Variants in LRP1B observed in about 807,000 individuals in gnomAD.
LRP1B encodes the protein LDL receptor related protein 1B, also known as low-density lipoprotein receptor-related protein 1B.
LRP1B carries 217 observed loss-of-function variants against 556.6 expected under a neutral mutation model. The ratio of observed to expected loss-of-function variants is 0.39; its 90% CI spans 0.35 to 0.44. The LOEUF (loss-of-function observed/expected upper bound fraction) is 0.44. LRP1B is among the 20% of genes least tolerant of loss of function. LRP1B has a pLI of 1.00. For missense variants in LRP1B, 5,053 were observed against 5,620.8 expected, an observed-to-expected ratio of 0.90 and a Z score of 3.23; for synonymous variants, 2,047 against 1,865.8, an observed-to-expected ratio of 1.10 and a Z score of -2.50.
chr2:141,229,578 T>C, intron 5 of LRP1B, 138 bp from the exon 6 acceptor site: 1 of 654,940 alleles, frequency 1.5e-6, no homozygotes, highest in Non-Finnish European at 2.5e-6. Context: ...AAACTTTCTA[T>C]AAGTCATATG....
At chr2:141,115,016 C>T (rs367810059) in intron 7 of LRP1B, among the ~76,000 whole-genome samples, 1 of 152,136 alleles carries the variant, frequency 6.6e-6, no homozygotes, top group South Asian at 2.1e-4. Flanking sequence ...ACAAAACAAA[C>T]ATGACGGAAA....
At chr2:141,982,013 G>C (rs752313893) in intron 1 of LRP1B, among the ~76,000 whole-genome samples, 15 of 152,102 alleles carry the variant, frequency 9.9e-5, no homozygotes, top group Admixed American at 1.3e-4. Flanking sequence ...CCAATCACCA[G>C]AAATACCCAT....
At chr2:141,521,322 G>A (rs1483807592) in intron 2 of LRP1B, among the ~76,000 whole-genome samples, 11 of 152,028 alleles carry the variant, frequency 7.2e-5, no homozygotes, top group African/African-American at 2.2e-4. Flanking sequence ...ACATTTTCAA[G>A]TATATACAAT....
intron 43 of LRP1B, among the ~76,000 whole-genome samples, chr2:140,558,709 C>T (rs1019757457): frequency 2.6e-5 from 4 of 151,768 alleles, no homozygotes; most frequent in Admixed American, 2.0e-4. Context: ...GAGGCCAAGG[C>T]GAGGGGATCA....
chr2:140,548,436 T>C (rs1179842491), intron 43 of LRP1B, among the ~76,000 whole-genome samples: 3 of 152,128 alleles, frequency 2.0e-5, no homozygotes, highest in African/African-American at 7.2e-5. Context: ...GTGTTCACAT[T>C]GTTAACCATC....
intron 1 of LRP1B, among the ~76,000 whole-genome samples, chr2:141,865,608 G>GA (rs369023076): frequency 0.36 from 45,574 of 126,804 alleles, 8,236 homozygotes; most frequent in South Asian, 0.47. Context: ...AAAAAAAAAA[G>GA]AAAAAAAAAA....
intron 43 of LRP1B, among the ~76,000 whole-genome samples, chr2:140,577,511 G>C (rs1365261374): frequency 2.0e-5 from 3 of 151,828 alleles, no homozygotes; most frequent in Non-Finnish European, 4.4e-5. Flanking sequence ...CAAACTCCTG[G>C]GCTCAAGCGA....
chr2:141,578,758 A>T (rs2105275777), intron 2 of LRP1B, among the ~76,000 whole-genome samples: 1 of 152,326 alleles, frequency 6.6e-6, no homozygotes, highest in South Asian at 2.1e-4. Context: ...AGAAGTAATA[A>T]GTAAGGAACA....
intron 37 of LRP1B, among the ~76,000 whole-genome samples, chr2:140,710,312 A>G (rs1404703982): frequency 1.3e-5 from 2 of 152,034 alleles, no homozygotes; most frequent in South Asian, 2.1e-4. Flanking sequence ...TGGAAAATCT[A>G]AAGTTTCAAC....
At chr2:140,574,286 T>C in intron 43 of LRP1B, among the ~76,000 whole-genome samples, 1 of 152,286 alleles carries the variant, frequency 6.6e-6, no homozygotes, top group Middle Eastern at 3.4e-3. Context: ...AGATAAATGC[T>C]TGAAGAAACA....
intron 7 of LRP1B, among the ~76,000 whole-genome samples, chr2:141,126,988 C>T (rs543170062): frequency 6.6e-6 from 1 of 152,212 alleles, no homozygotes; most frequent in South Asian, 2.1e-4. Flanking sequence ...TTAGGTATTT[C>T]TCCTAATGCT....
At chr2:141,675,679 G>GTGTATATATATA (rs1553446605) in intron 2 of LRP1B, among the ~76,000 whole-genome samples, 9 of 12,530 alleles carry the variant, frequency 7.2e-4, no homozygotes, top group African/African-American at 1.5e-3. Context: ...AATTTATTTG[G>GTGTATATATATA]TATATATATA....
chr2:140,962,489 A>G (rs1696065640), intron 18 of LRP1B, among the ~76,000 whole-genome samples: 2 of 152,196 alleles, frequency 1.3e-5, no homozygotes, highest in Admixed American at 1.3e-4. Flanking sequence ...TTAGTGTTTG[A>G]TAGTGTTTTA....
At chr2:141,857,877 G>A (rs367589438) in intron 1 of LRP1B, among the ~76,000 whole-genome samples, 3 of 152,012 alleles carry the variant, frequency 2.0e-5, no homozygotes, top group African/African-American at 7.3e-5. Flanking sequence ...TACCTTAAAT[G>A]TCACCTTAGC....
At chr2:141,062,855 T>C (rs191223112) in intron 7 of LRP1B, among the ~76,000 whole-genome samples, 31 of 151,968 alleles carry the variant, frequency 2.0e-4, no homozygotes, top group Non-Finnish European at 3.7e-4. Context: ...CTCCCAAATA[T>C]TCCCAAATCA....
chr2:141,695,126 T>C (rs186283972), intron 2 of LRP1B, among the ~76,000 whole-genome samples: 18 of 152,138 alleles, frequency 1.2e-4, no homozygotes, highest in African/African-American at 3.6e-4. Flanking sequence ...TCATGCCATT[T>C]ATTTTTTCCC....
chr2:140,539,422 T>A lies in LRP1B; in HGVS notation c.7513+1551A>T, dbSNP rs183447460. Among the ~76,000 whole-genome samples, 20 of 152,232 alleles carry A rather than the reference T, an allele frequency of 1.3e-4. No homozygotes were observed. In the East Asian group the frequency reaches 3.9e-3, roughly 29 times the overall value. On this transcript the variant is annotated intron_variant, in intron 45 of 90. Coordinates refer to ENST00000389484, the MANE Select transcript of LRP1B (RefSeq NM_018557.3). ...CGTCGTCTGCCTCTACAACAGATTGTGAGCTCTGGGAAATCCAATATCACT... is the reference window on the plus strand; with the variant it reads ...CGTCGTCTGCCTCTACAACAGATTGAGAGCTCTGGGAAATCCAATATCACT...
chr2:140,290,550 A>ACTTTCACT (rs1683331689), intron 84 of LRP1B, among the ~76,000 whole-genome samples: 1 of 152,094 alleles, frequency 6.6e-6, no homozygotes, highest in Admixed American at 6.6e-5. Context: ...TCTTATGGGT[A>ACTTTCACT]CTTTCACTTT....
intron 86 of LRP1B, among the ~76,000 whole-genome samples, chr2:140,252,062 C>CCA (rs568657111): frequency 5.4e-5 from 1 of 18,562 alleles, no homozygotes; most frequent in South Asian, 6.6e-3. Flanking sequence ...TGACAAGATG[C>CCA]AAAAAAAAAA....
Sources: gnomAD v4.1 joint callset for allele counts (sites outside exome capture counted in the v4.1 genomes callset) on GRCh38, gnomAD v4.1.1 for gene constraint, MANE v1.5 for transcripts, NCBI Gene and HGNC (gene_info 2026-07-23, HGNC 2026-07-21) for gene names.